The following PHYHIPL variants were observed in gnomAD, a reference collection of about 807,000 sequenced individuals.
PHYHIPL encodes the protein phytanoyl-CoA hydroxylase-interacting protein-like.
In PHYHIPL, 9 loss-of-function variants were observed where a neutral mutation model predicts 33.4. The ratio of observed to expected loss-of-function variants is 0.27; its 90% CI spans 0.16 to 0.47. The LOEUF (loss-of-function observed/expected upper bound fraction) is 0.47, where lower values mean the gene tolerates loss of function less well. Among genes scored for constraint, PHYHIPL ranks in the 20% least tolerant of loss-of-function variants. The pLI is 0.99. For missense variants in PHYHIPL, 365 were observed against 460.7 expected (o/e 0.79, Z 1.90); for synonymous variants, 153 against 154.1 (o/e 0.99, Z 0.05).
At chr10:59,173,984 C>T (rs1200840721), upstream of PHYHIPL, among the ~76,000 whole-genome samples, 33 of 73,368 alleles carry the variant, frequency 4.5e-4, no homozygotes, top group African/African-American at 6.3e-4. Context: ...GTATTGTTTT[C>T]TGAGTCTCAA....
At chr10:59,232,881 T>G (rs1346147568) in intron 1 of PHYHIPL, among the ~76,000 whole-genome samples, 1 of 151,868 alleles carries the variant, frequency 6.6e-6, no homozygotes, top group African/African-American at 2.4e-5. Flanking sequence ...ATTGTTTGAG[T>G]GTTTTTTGCC....
intron 1 of PHYHIPL, among the ~76,000 whole-genome samples, chr10:59,212,700 T>C (rs1839495036): frequency 1.3e-5 from 2 of 152,222 alleles, no homozygotes; most frequent in African/African-American, 2.4e-5. Context: ...GGTGGGAGTC[T>C]GCCCAATTTG....
At chr10:59,177,436 A>G (rs1838284547) in intron 1 of PHYHIPL, 1 of 1,493,316 alleles carries the variant, frequency 6.7e-7, no homozygotes, top group African/African-American at 1.4e-5. Flanking sequence ...CAGACTCCCC[A>G]AATTAACAAG....
At chr10:59,208,658 C>T (rs1055516720) in intron 1 of PHYHIPL, among the ~76,000 whole-genome samples, 27 of 151,792 alleles carry the variant, frequency 1.8e-4, no homozygotes, top group African/African-American at 6.1e-4. Context: ...TAATCCAATG[C>T]AAGGAAGCTA....
intron 1 of PHYHIPL, among the ~76,000 whole-genome samples, chr10:59,180,669 A>G (rs1245914064): frequency 2.0e-5 from 3 of 152,030 alleles, no homozygotes; most frequent in Non-Finnish European, 4.4e-5. Flanking sequence ...ACTTACGTGG[A>G]AAAAATGGAG....
rs1839867138 is a variant in PHYHIPL at position 59,224,487 on chromosome 10, AAAC to A, written c.107-9814_107-9812del. ...AAACAAAACAAAACAAAACAAAACAAAACAAAACAAAAAACAAAACAAAAAACA... is the reference window on the plus strand; with the variant it reads ...AAACAAAACAAAACAAAACAAAACAAAAAACAAAAAACAAAACAAAAAACA... On this transcript the variant is annotated intron_variant, in intron 1 of 4. Transcript: ENST00000373880. Among the ~76,000 whole-genome samples the A allele has an allele frequency of 3.3e-5, 5 of 151,140 alleles. 1 individual carries two copies. The South Asian group carries it at 1.1e-3, about 32-fold the overall frequency.
At chr10:59,240,178 A>G (rs904185817) in intron 4 of PHYHIPL, among the ~76,000 whole-genome samples, 2 of 152,092 alleles carry the variant, frequency 1.3e-5, no homozygotes, top group African/African-American at 2.4e-5. Flanking sequence ...TAGAGTCCAT[A>G]TATTTCCTGG....
upstream of PHYHIPL, among the ~76,000 whole-genome samples, chr10:59,173,921 G>GTTTTTT (rs368316005): frequency 2.3e-3 from 134 of 57,546 alleles, 35 homozygotes; most frequent in Non-Finnish European, 3.3e-3. Flanking sequence ...TACTTCTGAG[G>GTTTTTT]TTTTTTTTTT....
At chr10:59,175,442 C>G (rs1838232617), upstream of PHYHIPL, among the ~76,000 whole-genome samples, 1 of 152,140 alleles carries the variant, frequency 6.6e-6, no homozygotes, top group Non-Finnish European at 1.5e-5. Flanking sequence ...ATACAGACAT[C>G]TATGTGTAAA....
intron 1 of PHYHIPL, among the ~76,000 whole-genome samples, chr10:59,200,267 G>A (rs1839059172): frequency 6.6e-6 from 1 of 152,130 alleles, no homozygotes; most frequent in Admixed American, 6.6e-5. Flanking sequence ...TTAGCATGAA[G>A]CGCTGTTGAA....
At chr10:59,212,993 G>T (rs1004208162) in intron 1 of PHYHIPL, among the ~76,000 whole-genome samples, 15 of 152,032 alleles carry the variant, frequency 9.9e-5, no homozygotes, top group Admixed American at 6.6e-5. Context: ...CGAGGTGACA[G>T]TTGGTTAAGT....
chr10:59,186,167 T>G (rs1476855055), intron 1 of PHYHIPL, among the ~76,000 whole-genome samples: 1 of 152,212 alleles, frequency 6.6e-6, no homozygotes. Context: ...GGGATCCAGT[T>G]TCAGCTTTCT....
At chr10:59,234,553 T>C (rs2133286200) in intron 2 of PHYHIPL, 53 bp downstream of exon 2, 1 of 1,287,696 alleles carries the variant, frequency 7.8e-7, no homozygotes, top group African/African-American at 1.6e-5. Flanking sequence ...TTTCTAAGTA[T>C]GAGGACATTT....
chr10:59,176,922 C>G lies in PHYHIPL; in HGVS notation c.69C>G (p.Asn23Lys). The G allele has an allele frequency of 1.9e-6, 3 of 1,613,776 alleles. No individual in the cohort carries two copies. Among genetic ancestry groups the G allele is most frequent in the Non-Finnish European group, 2.5e-6 (3 of 1,179,844 alleles). The change falls in exon 1 of 5, where the codon AAC becomes AAG. Residue 23 changes from asparagine (N) to lysine (K), a missense_variant. This residue lies in a region of PHYHIPL where 89 missense variants were observed against 78.3 expected (regional missense o/e 1.14). Transcript: ENST00000373880. ...GCCCCTGTGAGGAGGTGATCAAAAA[C>G]CTCAGCCTGGAGGCCATTCAGCTGT... Reference protein sequence around the residue: ...PTSPCEEVIKNLSLEAIQLCD... With the variant: ...PTSPCEEVIKKLSLEAIQLCD...
intron 1 of PHYHIPL, among the ~76,000 whole-genome samples, chr10:59,200,348 C>G (rs901526810): frequency 6.6e-6 from 1 of 152,128 alleles, no homozygotes; most frequent in African/African-American, 2.4e-5. Context: ...TGTTTATATG[C>G]TGGATTACTT....
At chr10:59,217,400 C>A (rs938572650) in intron 1 of PHYHIPL, among the ~76,000 whole-genome samples, 1 of 151,846 alleles carries the variant, frequency 6.6e-6, no homozygotes, top group Non-Finnish European at 1.5e-5. Flanking sequence ...TTGTCAATAA[C>A]TATTATGTAT....
In PHYHIPL at chr10:59,246,901, A is replaced by G. The variant is rs1840756142; in HGVS notation, c.*1310A>G. ...ACCTATTTTAAATTTTTAATACAAT[A>G]TTTTATTTTAATATAAACATCTGTC... On this transcript the variant is annotated 3_prime_UTR_variant, in exon 5 of 5. Transcript: ENST00000373880. 2 of 319,278 alleles carry G rather than the reference A, an allele frequency of 6.3e-6. No individual in the cohort carries two copies. Among genetic ancestry groups the G allele is most frequent in the East Asian group, 9.7e-5 (2 of 20,628 alleles). The allele number at this position is 319,278 out of a possible 1,614,324, so 19.8% of individuals were successfully genotyped here.
Position 59,228,946 on chromosome 10 carries a change from G to A in PHYHIPL, c.107-5358G>A, listed in dbSNP as rs573336939. Among the ~76,000 whole-genome samples, 8 of 152,208 alleles carry A rather than the reference G, an allele frequency of 5.3e-5. No homozygotes were observed. The East Asian group carries it at 1.4e-3, about 26-fold the overall frequency. ...AAGAAAAATTATTCATTGTTTTCAAGGCAAAACTGGTGGGACTAAGGAGCA... is the reference window on the plus strand; with the variant it reads ...AAGAAAAATTATTCATTGTTTTCAAAGCAAAACTGGTGGGACTAAGGAGCA... On this transcript the variant is annotated intron_variant, in intron 1 of 4. Coordinates refer to ENST00000373880, the MANE Select transcript of PHYHIPL (RefSeq NM_032439.4).
chr10:59,185,957 C>A (rs1177947132), intron 1 of PHYHIPL, among the ~76,000 whole-genome samples: 1 of 152,152 alleles, frequency 6.6e-6, no homozygotes, highest in Non-Finnish European at 1.5e-5. Context: ...TGTGCAGAAG[C>A]TCTTTAGTTT....
Sources: gnomAD v4.1 joint callset for allele counts (sites outside exome capture counted in the v4.1 genomes callset) on GRCh38, gnomAD v4.1.1 for gene constraint, gnomAD v4.1.1 regional missense constraint, MANE v1.5 for transcripts, NCBI Gene and HGNC (gene_info 2026-07-23, HGNC 2026-07-21) for gene names.